The following RCAN1 variants were observed in gnomAD, a reference collection of about 807,000 sequenced individuals.
The protein encoded by RCAN1 is regulator of calcineurin 1.
Under a neutral mutation model 22.9 loss-of-function variants are expected in RCAN1, and 11 were observed. The observed-to-expected ratio is 0.48, with a 90% CI of 0.30 to 0.79. The LOEUF (loss-of-function observed/expected upper bound fraction) is 0.79, where lower values mean the gene tolerates loss of function less well. Among genes scored for constraint, RCAN1 ranks in the 30% least tolerant of loss-of-function variants. The pLI, the probability that RCAN1 is intolerant of heterozygous loss-of-function variation, is 0.06. For missense variants in RCAN1, 291 were observed against 337.8 expected (o/e 0.86, Z 1.09); for synonymous variants, 136 against 142.3 (o/e 0.96, Z 0.32).
At chr21:34,558,929 T>A (rs1986688782) in intron 1 of RCAN1, among the ~76,000 whole-genome samples, 1 of 152,206 alleles carries the variant, frequency 6.6e-6, no homozygotes, top group African/African-American at 2.4e-5. Context: ...TCAGCTTATA[T>A]AAGTGAACAA....
chr21:34,563,957 C>G (rs1210589164), intron 1 of RCAN1, among the ~76,000 whole-genome samples: 1 of 150,924 alleles, frequency 6.6e-6, no homozygotes, highest in African/African-American at 2.4e-5. Context: ...CAGAGTGAGA[C>G]TCTGTCCCAA....
chr21:34,556,350 C>T (rs542521061), intron 1 of RCAN1, among the ~76,000 whole-genome samples: 29 of 150,344 alleles, frequency 1.9e-4, no homozygotes, highest in African/African-American at 7.0e-4. Flanking sequence ...CGCTTGAGCC[C>T]AGGAGGTCGA....
chr21:34,583,675 C>G (rs900560394), intron 1 of RCAN1, among the ~76,000 whole-genome samples: 6 of 152,186 alleles, frequency 3.9e-5, no homozygotes, highest in African/African-American at 7.2e-5. Flanking sequence ...GGACTTCCAG[C>G]CTCCAGAACT....
chr21:34,533,627 T>C (rs956756413), intron 1 of RCAN1, among the ~76,000 whole-genome samples: 1 of 152,192 alleles, frequency 6.6e-6, no homozygotes, highest in South Asian at 2.1e-4. Context: ...CCCGCCCTCT[T>C]GGAGCTTACA....
At chr21:34,584,249 G>T (rs1254510099) in intron 1 of RCAN1, among the ~76,000 whole-genome samples, 1 of 152,142 alleles carries the variant, frequency 6.6e-6, no homozygotes, top group East Asian at 1.9e-4. Context: ...AATCCAAAGG[G>T]AAATCAGAAA....
chr21:34,561,567 G>A (rs66477574), intron 1 of RCAN1, among the ~76,000 whole-genome samples: 36,788 of 152,066 alleles, frequency 0.24, 5,200 homozygotes, highest in African/African-American at 0.39. Context: ...AGTTAAAAAT[G>A]CTGGAGCTAG....
chr21:34,558,539 C>T (rs1227398181), intron 1 of RCAN1, among the ~76,000 whole-genome samples: 1 of 152,254 alleles, frequency 6.6e-6, no homozygotes, highest in East Asian at 1.9e-4. Context: ...ATTTTAGACA[C>T]TGATTCCTCA....
intron 1 of RCAN1, among the ~76,000 whole-genome samples, chr21:34,585,251 A>C (rs892615407): frequency 1.3e-5 from 2 of 152,244 alleles, no homozygotes; most frequent in African/African-American, 4.8e-5. Context: ...ACACATTTAT[A>C]AGCATTCTTA....
At chr21:34,556,429 A>AAATAATAATAATAATAATAATAAT (rs56236946) in intron 1 of RCAN1, among the ~76,000 whole-genome samples, 1 of 145,540 alleles carries the variant, frequency 6.9e-6, no homozygotes, top group African/African-American at 2.5e-5. Flanking sequence ...TTGTCTCAAA[A>AAATAATAATAATAATAATAATAAT]AATAATAATA....
At chr21:34,608,148 T>C (rs1005207039) in intron 1 of RCAN1, among the ~76,000 whole-genome samples, 13 of 152,164 alleles carry the variant, frequency 8.5e-5, no homozygotes, top group Admixed American at 8.5e-4. Context: ...TATTATATAA[T>C]AATAGAACTA....
At position 34,555,494 on chromosome 21, in the gene RCAN1, G is replaced by T. The variant is rs1601169204; in HGVS notation, c.253-31784C>A. 3.3e-5 allele frequency among the ~76,000 whole-genome samples: 5 copies of T among 150,306 alleles called. No homozygotes were observed. The South Asian group carries it at 1.1e-3, about 32-fold the overall frequency. ...AGGCCAAGGCAGGAAGATTGCTTGA[G>T]CCCAGGAGGTCAGCACTGTAGTGAG... On this transcript the variant is annotated intron_variant, in intron 1 of 3. Transcript: ENST00000313806.
At chr21:34,527,161 C>T (rs1985118274) in intron 1 of RCAN1, among the ~76,000 whole-genome samples, 1 of 152,060 alleles carries the variant, frequency 6.6e-6, no homozygotes, top group Non-Finnish European at 1.5e-5. Flanking sequence ...GCTCCTCGGC[C>T]GAATGGGACG....
At position 34,533,392 on chromosome 21, in the gene RCAN1, T is replaced by C. The variant is rs1357243231; in HGVS notation, c.253-9682A>G. ...TTTTATTATTTTGGGGTTTTTTTAATCAAATAAAAGCAATTATGATTTTAT... is the reference window on the plus strand; with the variant it reads ...TTTTATTATTTTGGGGTTTTTTTAACCAAATAAAAGCAATTATGATTTTAT... On this transcript the variant is annotated intron_variant, in intron 1 of 3. Transcript: ENST00000313806. Among the ~76,000 whole-genome samples, 3 of 152,358 alleles carry C rather than the reference T, an allele frequency of 2.0e-5. No homozygotes were observed. In the East Asian group the frequency reaches 5.8e-4, roughly 29 times the overall value.
At chr21:34,546,892 G>GT (rs900712457) in intron 1 of RCAN1, among the ~76,000 whole-genome samples, 2 of 152,130 alleles carry the variant, frequency 1.3e-5, no homozygotes, top group African/African-American at 4.8e-5. Context: ...CTGGAAAAAA[G>GT]TTTTTTTAAG....
intron 1 of RCAN1, among the ~76,000 whole-genome samples, chr21:34,568,600 G>A (rs1987120057): frequency 6.6e-6 from 1 of 152,210 alleles, no homozygotes; most frequent in Non-Finnish European, 1.5e-5. Flanking sequence ...GGAATTGCAT[G>A]CTAATCATAC....
intron 1 of RCAN1, among the ~76,000 whole-genome samples, chr21:34,525,922 C>T (rs565409523): frequency 3.9e-5 from 6 of 152,146 alleles, no homozygotes; most frequent in East Asian, 3.9e-4. Flanking sequence ...AAGAAACCTT[C>T]GCATGTCCCA....
chr21:34,533,105 T>G (rs6650815), intron 1 of RCAN1, among the ~76,000 whole-genome samples: 2 of 150,200 alleles, frequency 1.3e-5, no homozygotes, highest in Non-Finnish European at 3.0e-5. Context: ...GGACTACAGG[T>G]GCCCGCCACC....
chr21:34,568,166 G>T (rs1987100377), intron 1 of RCAN1, among the ~76,000 whole-genome samples: 1 of 152,142 alleles, frequency 6.6e-6, no homozygotes, highest in Non-Finnish European at 1.5e-5. Flanking sequence ...GCTGACCTCT[G>T]CTTCATTCAG....
intron 1 of RCAN1, among the ~76,000 whole-genome samples, chr21:34,591,616 T>A (rs1159298592): frequency 1.3e-5 from 2 of 152,212 alleles, no homozygotes; most frequent in African/African-American, 4.8e-5. Context: ...TGAGTGCAAC[T>A]ATTTTAAGAC....
Sources: allele counts gnomAD v4.1 joint callset (sites outside exome capture counted in the v4.1 genomes callset), GRCh38; gene constraint gnomAD v4.1.1; transcripts MANE v1.5; gene names NCBI Gene and HGNC (gene_info 2026-07-23, HGNC 2026-07-21).